The following ANO4 variants were observed in gnomAD, a reference collection of about 807,000 sequenced individuals.
ANO4 encodes anoctamin 4.
In ANO4, 69 loss-of-function variants were observed where a neutral mutation model predicts 141.9. That is an observed-to-expected ratio of 0.49 (90% CI 0.40 to 0.59). The LOEUF (loss-of-function observed/expected upper bound fraction) is 0.59, where lower values mean the gene tolerates loss of function less well. ANO4 is among the 20% of genes least tolerant of loss of function. ANO4 has a pLI of 0.00. For missense variants in ANO4, 894 were observed against 1,162.2 expected (o/e 0.77, Z 3.36); for synonymous variants, 350 against 394.3 (o/e 0.89, Z 1.33).
At chr12:100,828,935 A>T (rs180811762) in intron 1 of ANO4, among the ~76,000 whole-genome samples, 550 of 151,864 alleles carry the variant, frequency 3.6e-3, no homozygotes, top group Non-Finnish European at 6.1e-3. Context: ...CATGAGAATC[A>T]CTTAAACCCA....
intron 1 of ANO4, among the ~76,000 whole-genome samples, chr12:100,895,461 C>G (rs2040303603): frequency 6.6e-6 from 1 of 151,820 alleles, no homozygotes; most frequent in African/African-American, 2.4e-5. Flanking sequence ...AGAAAGAACA[C>G]CTAAGAATTT....
chr12:100,947,332 C>T (rs946849562), intron 5 of ANO4, among the ~76,000 whole-genome samples: 6 of 152,078 alleles, frequency 3.9e-5, no homozygotes, highest in Non-Finnish European at 8.8e-5. Flanking sequence ...AAGTATCTCC[C>T]ATTGCATGGA....
chr12:100,748,053 C>T (rs186854818), intron 3 of ANO4, among the ~76,000 whole-genome samples: 28 of 152,208 alleles, frequency 1.8e-4, no homozygotes, highest in Non-Finnish European at 2.5e-4. Context: ...CTTATATTGA[C>T]GGGGAAGATG....
At chr12:100,743,971 C>T (rs926444928) in intron 3 of ANO4, among the ~76,000 whole-genome samples, 3 of 152,110 alleles carry the variant, frequency 2.0e-5, no homozygotes, top group South Asian at 4.2e-4. Flanking sequence ...TCACCACTAC[C>T]ACCTCCGCCT....
intron 3 of ANO4, among the ~76,000 whole-genome samples, chr12:100,743,014 C>T (rs2031940102): frequency 6.6e-6 from 1 of 152,110 alleles, no homozygotes; most frequent in Non-Finnish European, 1.5e-5. Context: ...TCCACTCACC[C>T]ATTCATCCAT....
chr12:100,800,349 TGAG>T (rs1012111150), intron 1 of ANO4, among the ~76,000 whole-genome samples: 1 of 152,168 alleles, frequency 6.6e-6, no homozygotes, highest in Non-Finnish European at 1.5e-5. Context: ...CCACTCCTCT[TGAG>T]GAGTTCAGAG....
intron 2 of ANO4, among the ~76,000 whole-genome samples, chr12:100,911,326 A>G (rs1475615605): frequency 6.6e-6 from 1 of 152,162 alleles, no homozygotes; most frequent in African/African-American, 2.4e-5. Flanking sequence ...TTAATGTGCT[A>G]TTACTTTCTT....
chr12:100,744,351 G>T (rs2032008561), intron 3 of ANO4, among the ~76,000 whole-genome samples: 1 of 152,164 alleles, frequency 6.6e-6, no homozygotes, highest in Non-Finnish European at 1.5e-5. Context: ...AAGAGGCTAG[G>T]AAGTCCAAGA....
At chr12:101,061,888 G>A (rs1280615994) in intron 14 of ANO4, among the ~76,000 whole-genome samples, 9 of 151,882 alleles carry the variant, frequency 5.9e-5, no homozygotes, top group African/African-American at 1.5e-4. Flanking sequence ...CTGTCAATTC[G>A]TCAAACTCAT....
intron 14 of ANO4, among the ~76,000 whole-genome samples, chr12:101,065,372 C>T (rs2048537444): frequency 6.6e-6 from 1 of 151,914 alleles, no homozygotes; most frequent in South Asian, 2.1e-4. Flanking sequence ...ATCTAAATTT[C>T]ATTGATTATT....
intron 10 of ANO4, among the ~76,000 whole-genome samples, chr12:101,038,063 G>T (rs2047268729): frequency 1.3e-5 from 2 of 152,060 alleles, no homozygotes; most frequent in Non-Finnish European, 2.9e-5. Flanking sequence ...ACACTAAGAG[G>T]GTGCAAAAGA....
intron 14 of ANO4, chr12:101,069,021 A>G: frequency 3.7e-6 from 3 of 801,620 alleles, no homozygotes; most frequent in Non-Finnish European, 6.7e-6. Flanking sequence ...TTAAAGAGCA[A>G]AGATGTCAAG....
chr12:100,785,225 A>G lies in ANO4; in HGVS notation c.358+45120A>G, dbSNP rs11110520. Among the ~76,000 whole-genome samples the G allele has an allele frequency of 1.9e-3, 295 of 152,280 alleles. 1 individual carries two copies. The highest frequency in any genetic ancestry group is 3.2e-3 in the Non-Finnish European group (218 of 68,022). On this transcript the variant is annotated intron_variant, in intron 3 of 29. Coordinates refer to the ANO4 transcript ENST00000644049. ...AAGGTTAGTATATTTGTTACAACCA[A>G]TGAACTTACATGGACACATTATTAT...
intron 1 of ANO4, among the ~76,000 whole-genome samples, chr12:100,728,140 A>G (rs554214717): frequency 6.6e-6 from 1 of 152,178 alleles, no homozygotes; most frequent in Non-Finnish European, 1.5e-5. Context: ...AGAATTCCAC[A>G]TTCAGTGGAA....
chr12:101,022,441 CA>C (rs1389292799), intron 9 of ANO4, among the ~76,000 whole-genome samples: 1 of 152,122 alleles, frequency 6.6e-6, no homozygotes, highest in African/African-American at 2.4e-5. Flanking sequence ...GAAAATCTAC[CA>C]CATAAAGAGA....
intron 14 of ANO4, chr12:101,067,049 G>C: frequency 2.1e-6 from 1 of 466,160 alleles, no homozygotes; most frequent in East Asian, 3.5e-5. Context: ...CTTATTGTGA[G>C]TGTTTTAGAA....
intron 8 of ANO4, among the ~76,000 whole-genome samples, chr12:100,995,857 G>A (rs2045345206): frequency 6.6e-6 from 1 of 152,224 alleles, no homozygotes; most frequent in Non-Finnish European, 1.5e-5. Flanking sequence ...TGAGACCAAA[G>A]AGAACAGGAA....
In ANO4 at chr12:100,922,268, T is replaced by C. The variant is rs2041666054; in HGVS notation, c.98T>C (p.Ile33Thr). 1 of 1,533,466 alleles carries C rather than the reference T, an allele frequency of 6.5e-7. No homozygotes were observed. The highest frequency in any genetic ancestry group is 8.7e-7 in the Non-Finnish European group (1 of 1,146,004). The allele number at this position is 1,533,466 out of a possible 1,614,324, so 95.0% of individuals were successfully genotyped here. A position where few individuals can be genotyped will look rare whatever the true frequency, so the allele number is the denominator to read the frequency against. The change falls in exon 3 of 28, where the codon ATA (isoleucine) becomes ACA (threonine). Residue 33 changes from isoleucine to threonine, a missense_variant. By Grantham distance (89) the Ile-to-Thr change is moderately conservative. Around this residue, in one of 2 missense-constraint regions of ANO4, gnomAD observed 257 missense variants for 253.0 expected, o/e 1.02. Transcript: ENST00000392977. ...CAAGGCTACCAGCTGGATATGCAAA[T>C]ACTACCTGACGGGCCAAAGAGTGAT... ...DLQGYQLDMQILPDGPKSDVD... is the reference protein window; with the variant it reads ...DLQGYQLDMQTLPDGPKSDVD...
chr12:100,962,598 T>G (rs1219154864), intron 5 of ANO4, among the ~76,000 whole-genome samples: 1 of 152,206 alleles, frequency 6.6e-6, no homozygotes, highest in African/African-American at 2.4e-5. Flanking sequence ...CTCAAGGTCC[T>G]CTCGCATAGT....
Sources: allele counts gnomAD v4.1 joint callset (sites outside exome capture counted in the v4.1 genomes callset), GRCh38; gene constraint gnomAD v4.1.1; regional missense constraint gnomAD v4.1.1; transcripts MANE v1.5; gene names NCBI Gene and HGNC (gene_info 2026-07-23, HGNC 2026-07-21).